The following RPS6KC1 variants were observed in gnomAD, a reference collection of about 807,000 sequenced individuals.
RPS6KC1 encodes inactive ribosomal protein S6 kinase delta-1.
Under a neutral mutation model 103.8 loss-of-function variants are expected in RPS6KC1, and 54 were observed. The ratio of observed to expected loss-of-function variants is 0.52; its 90% CI spans 0.42 to 0.65. RPS6KC1 has a LOEUF of 0.65. Ranked by LOEUF, RPS6KC1 falls within the 30% of genes least tolerant of loss-of-function variation. The probability of loss-of-function intolerance (pLI) is 0.00; values close to 1 mark genes in which losing one functional copy is unlikely to be tolerated. For synonymous variants in RPS6KC1, 439 were observed against 438.7 expected, an observed-to-expected ratio of 1.00 and a Z score of -0.01; for missense variants, 1,151 against 1,253.8, an observed-to-expected ratio of 0.92 and a Z score of 1.24.
At position 213,246,678 on chromosome 1, in the gene RPS6KC1, T is replaced by C. The variant is rs78380403; in HGVS notation, c.2911+4020T>C. On this transcript the variant is annotated intron_variant, in intron 12 of 14. Coordinates refer to ENST00000366960, the MANE Select transcript of RPS6KC1 (RefSeq NM_012424.6). The stretch of plus-strand genomic sequence containing the variant: ...AAGGAAAAATAAAATGTCAAAGTAC[T>C]TTTTTTTACTACTTTTTTTCTTGAC... 2.6e-3 allele frequency among the ~76,000 whole-genome samples: 395 copies of C among 152,044 alleles called. 2 individuals carry two copies. The highest frequency in any genetic ancestry group is 8.8e-3 in the African/African-American group (363 of 41,476).
At chr1:213,215,916 G>A (rs2093646123) in intron 8 of RPS6KC1, among the ~76,000 whole-genome samples, 1 of 152,204 alleles carries the variant, frequency 6.6e-6, no homozygotes, top group Non-Finnish European at 1.5e-5. Context: ...ACCAGCCACT[G>A]CAAAAACATG....
intron 8 of RPS6KC1, among the ~76,000 whole-genome samples, chr1:213,201,568 A>C (rs1018235746): frequency 6.6e-6 from 1 of 152,218 alleles, no homozygotes; most frequent in African/African-American, 2.4e-5. Flanking sequence ...ATAGAACCCT[A>C]ATAGAAACTG....
At chr1:213,370,287 T>A in the RPS6KC1 span, among the ~76,000 whole-genome samples, 588 of 127,492 alleles carry the variant, frequency 4.6e-3, 5 homozygotes, top group African/African-American at 0.018. Context: ...ATTTTATTTT[T>A]TTTGCATGTA....
chr1:213,423,835 A>T, the RPS6KC1 span, among the ~76,000 whole-genome samples: 3 of 152,214 alleles, frequency 2.0e-5, no homozygotes, highest in Admixed American at 2.0e-4. Flanking sequence ...CTCGGTGAAT[A>T]GCGAGCTCAA....
At chr1:213,803,334 C>A in the RPS6KC1 span, among the ~76,000 whole-genome samples, 1 of 150,436 alleles carries the variant, frequency 6.6e-6, no homozygotes, top group Non-Finnish European at 1.5e-5. Flanking sequence ...GCAACCTCTG[C>A]CTCCCGCGTT....
intron 1 of RPS6KC1, among the ~76,000 whole-genome samples, chr1:213,066,397 C>T (rs2078334925): frequency 2.0e-5 from 3 of 152,214 alleles, no homozygotes; most frequent in Admixed American, 2.0e-4. Flanking sequence ...TTTCCAAACC[C>T]TGTCTAAATT....
chr1:213,310,566 T>A, the RPS6KC1 span, among the ~76,000 whole-genome samples: 1 of 152,210 alleles, frequency 6.6e-6, no homozygotes, highest in Non-Finnish European at 1.5e-5. Context: ...TTAATTTTTA[T>A]TCATAACAAA....
At chr1:213,375,703 G>GTT in the RPS6KC1 span, among the ~76,000 whole-genome samples, 1 of 152,194 alleles carries the variant, frequency 6.6e-6, no homozygotes, top group Non-Finnish European at 1.5e-5. Flanking sequence ...ATCTGGGGTT[G>GTT]TCTGTCTCAT....
the RPS6KC1 span, among the ~76,000 whole-genome samples, chr1:213,827,770 C>T: frequency 6.6e-6 from 1 of 152,118 alleles, no homozygotes; most frequent in Admixed American, 6.5e-5. Flanking sequence ...TCTAGCAGGG[C>T]TTAGACTAGT....
chr1:213,216,432 A>T (rs2093661952), intron 8 of RPS6KC1, among the ~76,000 whole-genome samples: 1 of 152,230 alleles, frequency 6.6e-6, no homozygotes, highest in Non-Finnish European at 1.5e-5. Context: ...GGAGACTTTA[A>T]CACCGCACTG....
At chr1:213,849,565 T>G in the RPS6KC1 span, among the ~76,000 whole-genome samples, 1 of 152,198 alleles carries the variant, frequency 6.6e-6, no homozygotes, top group Non-Finnish European at 1.5e-5. Context: ...CCTCATTCAT[T>G]TTTTCAAAGC....
At chr1:213,815,359 C>T in the RPS6KC1 span, among the ~76,000 whole-genome samples, 1 of 152,168 alleles carries the variant, frequency 6.6e-6, no homozygotes, top group African/African-American at 2.4e-5. Flanking sequence ...ACAAAACAAA[C>T]TAGTAATTAA....
At chr1:213,071,386 C>G (rs1160907697) in intron 2 of RPS6KC1, among the ~76,000 whole-genome samples, 3 of 152,164 alleles carry the variant, frequency 2.0e-5, no homozygotes, top group Non-Finnish European at 4.4e-5. Context: ...GCCTCAGCCT[C>G]CCAAAGTGCT....
the RPS6KC1 span, among the ~76,000 whole-genome samples, chr1:213,676,581 T>C: frequency 1.2e-4 from 18 of 152,324 alleles, no homozygotes; most frequent in East Asian, 1.4e-3. Context: ...CCCGGCCCCA[T>C]TGGCTTCAGG....
At chr1:213,582,687 G>C in the RPS6KC1 span, among the ~76,000 whole-genome samples, 1 of 152,242 alleles carries the variant, frequency 6.6e-6, no homozygotes, top group Non-Finnish European at 1.5e-5. Context: ...GAAGAGAAGG[G>C]AGCAGAGAAG....
At chr1:213,832,305 C>T in the RPS6KC1 span, among the ~76,000 whole-genome samples, 9 of 152,292 alleles carry the variant, frequency 5.9e-5, no homozygotes, top group Admixed American at 2.6e-4. Context: ...CATCCTCAAC[C>T]CAATCCATTG....
the RPS6KC1 span, among the ~76,000 whole-genome samples, chr1:213,835,306 T>C: frequency 1.3e-5 from 2 of 152,214 alleles, no homozygotes; most frequent in African/African-American, 4.8e-5. Context: ...AGCAGGAACC[T>C]GATCACAGGG....
At chr1:213,485,774 A>G in the RPS6KC1 span, among the ~76,000 whole-genome samples, 2 of 152,322 alleles carry the variant, frequency 1.3e-5, no homozygotes, top group South Asian at 4.1e-4. Context: ...GAAGAGGCTA[A>G]GGAAGCTTTC....
the RPS6KC1 span, among the ~76,000 whole-genome samples, chr1:213,465,883 T>G: frequency 6.6e-6 from 1 of 152,098 alleles, no homozygotes; most frequent in Admixed American, 6.6e-5. Context: ...TCCCTATCTC[T>G]CCTTCCACAA....
Sources: gnomAD v4.1 joint callset for allele counts (sites outside exome capture counted in the v4.1 genomes callset) on GRCh38, gnomAD v4.1.1 for gene constraint, MANE v1.5 for transcripts, NCBI Gene and HGNC (gene_info 2026-07-23, HGNC 2026-07-21) for gene names.